The following RORA variants were observed in gnomAD, a reference collection of about 807,000 sequenced individuals.
The protein encoded by RORA is RAR related orphan receptor A.
A neutral mutation model predicts 69.5 loss-of-function variants in RORA; 7 were observed. That is an observed-to-expected ratio of 0.10 (90% CI 0.06 to 0.19). RORA has a LOEUF of 0.19. Ranked by LOEUF, RORA falls within the 10% of genes least tolerant of loss-of-function variation. The probability of loss-of-function intolerance (pLI) is 1.00; values close to 1 mark genes in which losing one functional copy is unlikely to be tolerated. For missense variants in RORA, 457 were observed against 663.0 expected (o/e 0.69, Z 3.41); for synonymous variants, 261 against 240.8 (o/e 1.08, Z -0.78).
At chr15:60,884,121 G>A (rs2073723530) in intron 1 of RORA, among the ~76,000 whole-genome samples, 2 of 152,058 alleles carry the variant, frequency 1.3e-5, no homozygotes, top group African/African-American at 2.4e-5. Context: ...ACTGGATTGC[G>A]TCCGTGGCTG....
rs372932498 is a variant in RORA at position 61,147,763 on chromosome 15, A to ACGCGCG, written c.166+81289_166+81290insCGCGCG. Among the ~76,000 whole-genome samples the ACGCGCG allele has an allele frequency of 1.5e-4, 11 of 74,796 alleles. No individual in the cohort carries two copies. Among genetic ancestry groups the ACGCGCG allele is most frequent in the African/African-American group, 3.4e-4 (8 of 23,630 alleles). The allele number at this position is 74,796 out of a possible 152,430, so 49.1% of individuals were successfully genotyped here. On this transcript the variant is annotated intron_variant, in intron 1 of 10. Coordinates refer to ENST00000335670, the MANE Select transcript of RORA (RefSeq NM_134261.3). The surrounding 1 kb of genome is among the most constrained non-coding windows in gnomAD (Gnocchi z 4.1). ...TGATGGTCAGTAGGCACGTGCGCAC[A>ACGCGCG]CGCGTGTGTGTGTGTGTGTGTGTGT...
At chr15:60,850,773 C>T (rs538494722) in intron 1 of RORA, among the ~76,000 whole-genome samples, 1 of 152,318 alleles carries the variant, frequency 6.6e-6, no homozygotes, top group Non-Finnish European at 1.5e-5. Context: ...CAGCCCACGT[C>T]TTCCCTGCTG....
intron 1 of RORA, among the ~76,000 whole-genome samples, chr15:61,137,091 GAAAGAAAGAAAA>G (rs1160640610): frequency 4.9e-5 from 7 of 141,844 alleles, no homozygotes; most frequent in South Asian, 2.3e-4. Context: ...AAGAAAGAAA[GAAAGAAAGAAAA>G]AAGCAAGGGT....
intron 10 of RORA, among the ~76,000 whole-genome samples, chr15:60,498,403 G>T (rs1567035971): frequency 6.6e-6 from 1 of 152,202 alleles, no homozygotes; most frequent in Non-Finnish European, 1.5e-5. Context: ...ACTGGCACTA[G>T]TCAACTCCGA....
In RORA at chr15:61,036,614, T is replaced by C. The variant is rs368929354; in HGVS notation, c.166+192439A>G. 2.9e-4 allele frequency among the ~76,000 whole-genome samples: 44 copies of C among 152,152 alleles called. 2 individuals are homozygous for C. In the South Asian group the frequency reaches 6.6e-3, roughly 23 times the overall value. ...TTCTCTGGACTGTTCCATTAAACAC[T>C]CATTCTACCAAAAATGCCTGGTAAT... On this transcript the variant is annotated intron_variant, in intron 1 of 10. Transcript: ENST00000335670.
intron 1 of RORA, among the ~76,000 whole-genome samples, chr15:60,722,418 A>G (rs960321459): frequency 1.1e-4 from 16 of 152,222 alleles, no homozygotes; most frequent in African/African-American, 3.9e-4. Context: ...TTATCTTTAC[A>G]TATGTACAAA....
chr15:61,191,394 T>C (rs182078110), intron 1 of RORA, among the ~76,000 whole-genome samples: 1 of 150,674 alleles, frequency 6.6e-6, no homozygotes, highest in East Asian at 1.9e-4. Context: ...AAGAAATCAG[T>C]TCTGATCAAG....
At chr15:60,977,233 G>T (rs956843900) in intron 1 of RORA, among the ~76,000 whole-genome samples, 1 of 152,050 alleles carries the variant, frequency 6.6e-6, no homozygotes, top group Admixed American at 6.5e-5. Context: ...TTGAGGTACT[G>T]GTGGGGAGGG....
intron 1 of RORA, among the ~76,000 whole-genome samples, chr15:60,801,114 T>C (rs2072574797): frequency 2.0e-5 from 3 of 152,242 alleles, no homozygotes; most frequent in Admixed American, 2.0e-4. Flanking sequence ...GGCACACTAC[T>C]GCCAACCCTT....
chr15:60,735,974 T>G (rs937620604), intron 1 of RORA, among the ~76,000 whole-genome samples: 1 of 152,210 alleles, frequency 6.6e-6, no homozygotes, highest in Non-Finnish European at 1.5e-5. Context: ...GATGTACCCA[T>G]GCCCTTCACA....
chr15:60,962,147 A>G (rs2140343845), intron 1 of RORA, among the ~76,000 whole-genome samples: 1 of 152,282 alleles, frequency 6.6e-6, no homozygotes, highest in East Asian at 1.9e-4. Context: ...TTTCTTCTTC[A>G]ATGCCTTCAA....
intron 1 of RORA, among the ~76,000 whole-genome samples, chr15:61,143,241 TA>T (rs1037946263): frequency 6.6e-6 from 1 of 152,020 alleles, no homozygotes; most frequent in Non-Finnish European, 1.5e-5. Context: ...GGCATATATT[TA>T]AAAAAATAAA....
intron 1 of RORA, among the ~76,000 whole-genome samples, chr15:60,896,197 G>A (rs569254597): frequency 2.0e-5 from 3 of 152,284 alleles, no homozygotes; most frequent in South Asian, 4.1e-4. Flanking sequence ...ATGAGAGGGT[G>A]ACCTGGCAAG....
intron 1 of RORA, among the ~76,000 whole-genome samples, chr15:61,002,448 C>A (rs1003623096): frequency 1.3e-5 from 2 of 152,140 alleles, no homozygotes; most frequent in East Asian, 3.8e-4. Context: ...TATATTAACT[C>A]GATTCAATAG....
At chr15:61,143,592 G>GA (rs1460503233) in intron 1 of RORA, among the ~76,000 whole-genome samples, 2 of 152,092 alleles carry the variant, frequency 1.3e-5, no homozygotes, top group East Asian at 1.9e-4. Flanking sequence ...TCTTCTGAGG[G>GA]AAAAAATAGT....
intron 2 of RORA, among the ~76,000 whole-genome samples, chr15:60,653,437 G>A (rs1425284448): frequency 3.3e-5 from 5 of 152,154 alleles, no homozygotes; most frequent in South Asian, 2.1e-4. Flanking sequence ...AAGTGCACTC[G>A]TACAACAAGG....
At chr15:60,964,865 C>T (rs891720662) in intron 1 of RORA, among the ~76,000 whole-genome samples, 4 of 152,164 alleles carry the variant, frequency 2.6e-5, no homozygotes, top group South Asian at 2.1e-4. Context: ...GAAGCATATG[C>T]AAGTGACCCT....
At chr15:60,938,411 T>C (rs1892591667) in intron 1 of RORA, among the ~76,000 whole-genome samples, 1 of 152,230 alleles carries the variant, frequency 6.6e-6, no homozygotes, top group Admixed American at 6.5e-5. Flanking sequence ...TTGCATGCTG[T>C]ATTCAAATAT....
chr15:61,059,988 G>GGAAGAGGAAGAAGAA (rs2078155885), intron 1 of RORA, among the ~76,000 whole-genome samples: 31 of 85,918 alleles, frequency 3.6e-4, no homozygotes, highest in African/African-American at 1.3e-3. Context: ...AAGAGGAAGA[G>GGAAGAGGAAGAAGAA]GAAGAAGAAG....
Sources: allele counts gnomAD v4.1 joint callset (sites outside exome capture counted in the v4.1 genomes callset), GRCh38; gene constraint gnomAD v4.1.1; non-coding constraint Gnocchi (gnomAD v3.1); transcripts MANE v1.5; gene names NCBI Gene and HGNC (gene_info 2026-07-23, HGNC 2026-07-21).